Variants in MCRIP1 observed in about 807,000 individuals in gnomAD.
The protein encoded by MCRIP1 is MAPK regulated corepressor interacting protein 1, also known as mapk-regulated corepressor-interacting protein 1.
MCRIP1 carries 10 observed loss-of-function variants against 14.4 expected under a neutral mutation model. The ratio of observed to expected loss-of-function variants is 0.70; its 90% CI spans 0.43 to 1.18. The LOEUF (loss-of-function observed/expected upper bound fraction) is 1.18, where lower values mean the gene tolerates loss of function less well. Ranked by LOEUF, MCRIP1 falls within the 50% of genes most tolerant of loss-of-function variation. The pLI, the probability that MCRIP1 is intolerant of heterozygous loss-of-function variation, is 0.00. For synonymous variants in MCRIP1, 53 were observed against 55.7 expected (o/e 0.95, Z 0.21); for missense variants, 119 against 135.4 (o/e 0.88, Z 0.60).
intron 1 of MCRIP1, chr17:81,825,979 G>A (rs1001673175): frequency 4.4e-5 from 59 of 1,331,454 alleles, no homozygotes; most frequent in Non-Finnish European, 5.5e-5. Flanking sequence ...CCCCTGCCTC[G>A]CCCCCTGCTG....
Position 81,824,174 on chromosome 17 carries a change from GAGGGGC to G in MCRIP1, c.127+107_127+112del, listed in dbSNP as rs958714181. The G allele has an allele frequency of 8.8e-5, 74 of 842,672 alleles. 1 individual carries two copies. The Middle Eastern group carries it at 2.9e-3, about 33-fold the overall frequency. The allele number at this position is 842,672 out of a possible 1,614,324, so 52.2% of individuals were successfully genotyped here. A position where few individuals can be genotyped will look rare whatever the true frequency, so the allele number is the denominator to read the frequency against. On this transcript the variant is annotated intron_variant, in intron 3 of 4. Transcript: ENST00000455127. ...CAGTGATGGGGCTATCTGTGCCCTGGAGGGGCAGGGGCAGGGGCCGCAGGAGGTTCC... is the reference window on the plus strand; with the variant it reads ...CAGTGATGGGGCTATCTGTGCCCTGGAGGGGCAGGGGCCGCAGGAGGTTCC...
At chr17:81,828,769 G>T (rs1210841057) in intron 1 of MCRIP1, among the ~76,000 whole-genome samples, 1 of 152,210 alleles carries the variant, frequency 6.6e-6, no homozygotes, top group East Asian at 1.9e-4. Context: ...TGGAGCCGGG[G>T]CCAGGACGGT....
Position 81,823,137 on chromosome 17 carries a change from C to G in MCRIP1, c.*110G>C, listed in dbSNP as rs1194421019. ...TCAGTCACGCCAGTGCTGGGATCTG[C>G]AGCCCGCTGGAGCAAGGCACCCCCA... On this transcript the variant is annotated 3_prime_UTR_variant, in exon 5 of 5. Coordinates refer to ENST00000455127, the MANE Select transcript of MCRIP1 (RefSeq NM_207368.5). The surrounding 1 kb of genome is among the most constrained non-coding windows in gnomAD (Gnocchi z 6.0). 11 of 1,041,050 alleles carry G rather than the reference C, an allele frequency of 1.1e-5. No individual in the cohort carries two copies. The highest frequency in any genetic ancestry group is 1.6e-5 in the Non-Finnish European group (11 of 700,208). The allele number at this position is 1,041,050 out of a possible 1,614,324, so 64.5% of individuals were successfully genotyped here.
At chr17:81,825,976 C>G in intron 1 of MCRIP1, 8 of 1,329,452 alleles carry the variant, frequency 6.0e-6, no homozygotes, top group Non-Finnish European at 7.9e-6. Context: ...AGCCCCCTGC[C>G]TCGCCCCCTG....
At chr17:81,826,164 C>A in intron 1 of MCRIP1, 3 of 1,496,700 alleles carry the variant, frequency 2.0e-6, no homozygotes, top group Non-Finnish European at 2.7e-6. Flanking sequence ...GCCCCAGATC[C>A]CACTGATTGC....
intron 1 of MCRIP1, chr17:81,826,274 C>T (rs891043418): frequency 6.5e-7 from 1 of 1,533,610 alleles, no homozygotes. Context: ...TACCTGCACA[C>T]ACCTTAGCTG....
chr17:81,826,590 C>T (rs892977850), intron 1 of MCRIP1: 16 of 558,738 alleles, frequency 2.9e-5, no homozygotes, highest in East Asian at 1.2e-4. Flanking sequence ...GAGGCAGAGG[C>T]GGGTGGATCA....
At chr17:81,829,906 C>T (rs888065191) in intron 1 of MCRIP1, among the ~76,000 whole-genome samples, 2 of 152,222 alleles carry the variant, frequency 1.3e-5, no homozygotes, top group African/African-American at 4.8e-5. Context: ...TAGGGTGTCA[C>T]CCAGGCCCTC....
Position 81,823,143 on chromosome 17 carries a change from G to A in MCRIP1, c.*104C>T, listed in dbSNP as rs1037968553. On this transcript the variant is annotated 3_prime_UTR_variant, in exon 5 of 5. Coordinates refer to ENST00000455127, the MANE Select transcript of MCRIP1 (RefSeq NM_207368.5). The surrounding 1 kb of genome is among the most constrained non-coding windows in gnomAD (Gnocchi z 6.0). Reference sequence around the variant, plus strand: ...ACGCCAGTGCTGGGATCTGCAGCCCGCTGGAGCAAGGCACCCCCATCCCAG... The same window carrying A: ...ACGCCAGTGCTGGGATCTGCAGCCCACTGGAGCAAGGCACCCCCATCCCAG... The A allele has an allele frequency of 2.8e-5, 31 of 1,112,244 alleles. No individual in the cohort carries two copies. The highest frequency in any genetic ancestry group is 9.3e-5 in the African/African-American group (6 of 64,646). 68.9% of individuals were successfully genotyped at this position (1,112,244 alleles called of 1,614,324 possible).
rs1338134869 is a variant in MCRIP1 at position 81,823,747 on chromosome 17, G to C, written c.128-234C>G. The C allele has an allele frequency of 6.7e-6, 4 of 598,954 alleles. No individual in the cohort carries two copies. The highest frequency in any genetic ancestry group is 8.9e-6 in the Non-Finnish European group (3 of 336,128). 37.1% of individuals were successfully genotyped at this position (598,954 alleles called of 1,614,324 possible). A position where few individuals can be genotyped will look rare whatever the true frequency, so the allele number is the denominator to read the frequency against. On this transcript the variant is annotated intron_variant, in intron 3 of 4. Coordinates refer to ENST00000455127, the MANE Select transcript of MCRIP1 (RefSeq NM_207368.5). The surrounding 1 kb of genome is among the most constrained non-coding windows in gnomAD (Gnocchi z 6.0). ...CGCAAGATGACCAGGACTGTGGTCA[G>C]AGGGACCCCTATGACCCTACCCCAG... is the stretch of plus-strand genomic sequence containing the variant.
chr17:81,822,890 T>C lies in MCRIP1; in HGVS notation c.*357A>G, dbSNP rs1598246707. On this transcript the variant is annotated 3_prime_UTR_variant, in exon 5 of 5. Coordinates refer to ENST00000455127, the MANE Select transcript of MCRIP1 (RefSeq NM_207368.5). ...AGCCTGGGAGGCAGCAGAGGCTCCTTCTTCTCCCCTCCTGATCCTGCAGTG... is the reference window on the plus strand; with the variant it reads ...AGCCTGGGAGGCAGCAGAGGCTCCTCCTTCTCCCCTCCTGATCCTGCAGTG... The C allele has an allele frequency of 9.4e-6, 4 of 426,890 alleles. No individual in the cohort carries two copies. Among genetic ancestry groups the C allele is most frequent in the East Asian group, 4.5e-5 (1 of 22,460 alleles). The allele number at this position is 426,890 out of a possible 1,614,324, so 26.4% of individuals were successfully genotyped here. A position where few individuals can be genotyped will look rare whatever the true frequency, so the allele number is the denominator to read the frequency against.
chr17:81,833,246 G>C lies in MCRIP1; in HGVS notation c.-57C>G, dbSNP rs1369190570. 3.4e-5 allele frequency: 5 copies of C among 148,818 alleles called. No individual in the cohort carries two copies. Among genetic ancestry groups the C allele is most frequent in the Non-Finnish European group, 7.4e-5 (5 of 67,176 alleles). The allele number at this position is 148,818 out of a possible 1,614,324, so 9.2% of individuals were successfully genotyped here. On this transcript the variant is annotated 5_prime_UTR_variant, in exon 1 of 5. Coordinates refer to ENST00000455127, the MANE Select transcript of MCRIP1 (RefSeq NM_207368.5). The stretch of plus-strand genomic sequence containing the variant: ...CGCCGCACCCGCCTCACCTCGCCCC[G>C]ACCCGCCGCCACCGCCTCTTCCAGC...
At position 81,823,645 on chromosome 17, in the gene MCRIP1, C is replaced by T. The variant is rs970204782; in HGVS notation, c.128-132G>A. The T allele has an allele frequency of 2.3e-5, 17 of 743,844 alleles. No homozygotes were observed. The highest frequency in any genetic ancestry group is 4.5e-5 in the Admixed American group (2 of 43,978). The allele number at this position is 743,844 out of a possible 1,614,324, so 46.1% of individuals were successfully genotyped here. A position where few individuals can be genotyped will look rare whatever the true frequency, so the allele number is the denominator to read the frequency against. ...CCTCAGAAGTGTCCTCCATGCTCCC[C>T]CACAGCCCTCTGCCCACCCCAGCCT... On this transcript the variant is annotated intron_variant, in intron 3 of 4. Coordinates refer to ENST00000455127, the MANE Select transcript of MCRIP1 (RefSeq NM_207368.5). This position sits in a 1 kb window ranked among gnomAD's most constrained non-coding sequence, Gnocchi z 6.0.
At chr17:81,831,576 G>C (rs144122820) in intron 1 of MCRIP1, among the ~76,000 whole-genome samples, 63 of 151,924 alleles carry the variant, frequency 4.1e-4, no homozygotes, top group Non-Finnish European at 7.6e-4. Flanking sequence ...AACACTTGTC[G>C]GGCTAAGGGC....
At chr17:81,825,807 G>GTC in intron 1 of MCRIP1, 1 of 1,289,496 alleles carries the variant, frequency 7.8e-7, no homozygotes. Flanking sequence ...GGACTCTGGG[G>GTC]TCTCTCTGCC....
In MCRIP1 at chr17:81,823,759, T is replaced by C. The variant is rs937527375; in HGVS notation, c.128-246A>G. ...AGGACTGTGGTCAGAGGGACCCCTA[T>C]GACCCTACCCCAGGCTTCCCTGCGC... On this transcript the variant is annotated intron_variant, in intron 3 of 4. Coordinates refer to ENST00000455127, the MANE Select transcript of MCRIP1 (RefSeq NM_207368.5). This position sits in a 1 kb window ranked among gnomAD's most constrained non-coding sequence, Gnocchi z 6.0. The C allele has an allele frequency of 3.4e-6, 2 of 594,116 alleles. No individual in the cohort carries two copies. Among genetic ancestry groups the C allele is most frequent in the Middle Eastern group, 4.4e-4 (1 of 2,256 alleles). The allele number at this position is 594,116 out of a possible 1,614,324, so 36.8% of individuals were successfully genotyped here.
At chr17:81,826,570 A>C in intron 1 of MCRIP1, 1 of 580,530 alleles carries the variant, frequency 1.7e-6, no homozygotes, top group Non-Finnish European at 3.0e-6. Flanking sequence ...TTGTAATCCC[A>C]ACACTTTGGG....
chr17:81,826,522 CAAAAAA>C, intron 1 of MCRIP1: 1 of 509,828 alleles, frequency 2.0e-6, no homozygotes, highest in South Asian at 2.5e-5. Flanking sequence ...GACCCTGTGT[CAAAAAA>C]AAAAAAAAAG....
intron 1 of MCRIP1, among the ~76,000 whole-genome samples, chr17:81,830,263 G>A (rs796067583): frequency 2.0e-5 from 3 of 152,366 alleles, no homozygotes; most frequent in Admixed American, 6.5e-5. Flanking sequence ...GCTCAGTGAG[G>A]TCTCTGTGGC....
Sources: gnomAD v4.1 joint callset for allele counts (sites outside exome capture counted in the v4.1 genomes callset) on GRCh38, gnomAD v4.1.1 for gene constraint, Gnocchi (gnomAD v3.1) non-coding constraint, MANE v1.5 for transcripts, NCBI Gene and HGNC (gene_info 2026-07-23, HGNC 2026-07-21) for gene names.